The following CSGALNACT1 variants were observed in gnomAD, a reference collection of about 807,000 sequenced individuals.
The protein encoded by CSGALNACT1 is chondroitin sulfate N-acetylgalactosaminyltransferase 1.
A neutral mutation model predicts 51.0 loss-of-function variants in CSGALNACT1; 52 were observed. The observed-to-expected ratio is 1.02, with a 90% CI of 0.82 to 1.29. CSGALNACT1 has a LOEUF of 1.29. CSGALNACT1 is among the 50% of genes most tolerant of loss of function. The pLI is 0.00. For synonymous variants in CSGALNACT1, 341 were observed against 254.4 expected (o/e 1.34, Z -3.24); for missense variants, 935 against 679.2 (o/e 1.38, Z -4.19).
chr8:19,619,992 C>T (rs930632786), intron 1 of CSGALNACT1, among the ~76,000 whole-genome samples: 2 of 151,940 alleles, frequency 1.3e-5, no homozygotes, highest in Non-Finnish European at 2.9e-5. Context: ...GGGACCTACC[C>T]GAAGAGATTA....
chr8:19,691,299 T>G (rs1276234185), intron 1 of CSGALNACT1, among the ~76,000 whole-genome samples: 3 of 152,050 alleles, frequency 2.0e-5, no homozygotes, highest in Non-Finnish European at 4.4e-5. Context: ...ACAGGCCTCC[T>G]CCCAAACACC....
intron 3 of CSGALNACT1, among the ~76,000 whole-genome samples, chr8:19,548,781 T>A (rs1314314417): frequency 6.6e-6 from 1 of 152,190 alleles, no homozygotes; most frequent in African/African-American, 2.4e-5. Context: ...TTTTCTTTAG[T>A]ATTTATCTTC....
intron 1 of CSGALNACT1, among the ~76,000 whole-genome samples, chr8:19,727,249 G>A (rs974548978): frequency 2.6e-5 from 4 of 152,190 alleles, no homozygotes; most frequent in Admixed American, 6.5e-5. Context: ...GGAATTAGGA[G>A]TGACTTCTCC....
chr8:19,440,023 C>T, intron 5 of CSGALNACT1, 92 bp from the exon 5 acceptor site: 1 of 1,060,554 alleles, frequency 9.4e-7, no homozygotes, highest in South Asian at 1.3e-5. Context: ...GCAAAAGGGT[C>T]TTGAAGGAAA....
At chr8:19,507,526 C>CACA (rs1293553957) in intron 3 of CSGALNACT1, among the ~76,000 whole-genome samples, 1 of 51,342 alleles carries the variant, frequency 1.9e-5, no homozygotes, top group African/African-American at 1.5e-4. Flanking sequence ...CCATCTTAGC[C>CACA]AGAAAAAAAA....
intron 3 of CSGALNACT1, among the ~76,000 whole-genome samples, chr8:19,578,485 T>C (rs1287966950): frequency 2.0e-5 from 3 of 151,932 alleles, no homozygotes; most frequent in South Asian, 2.1e-4. Flanking sequence ...AAGTGAAAAA[T>C]ATTAACTTTT....
chr8:19,549,101 G>A (rs900382687), intron 3 of CSGALNACT1, among the ~76,000 whole-genome samples: 7 of 151,062 alleles, frequency 4.6e-5, no homozygotes, highest in African/African-American at 1.7e-4. Context: ...ACACGCATAA[G>A]CCAGCAAGAC....
chr8:19,632,579 C>G (rs919330174), intron 1 of CSGALNACT1, among the ~76,000 whole-genome samples: 3 of 152,178 alleles, frequency 2.0e-5, no homozygotes, highest in African/African-American at 7.2e-5. Context: ...GTTCTTAACC[C>G]GCAGCTATCT....
chr8:19,562,975 C>A (rs1293011684), intron 3 of CSGALNACT1, among the ~76,000 whole-genome samples: 1 of 152,160 alleles, frequency 6.6e-6, no homozygotes, highest in African/African-American at 2.4e-5. Flanking sequence ...GATACATGCA[C>A]ATGTATGTTC....
intron 1 of CSGALNACT1, among the ~76,000 whole-genome samples, chr8:19,734,552 G>A (rs542492138): frequency 2.0e-5 from 3 of 152,284 alleles, no homozygotes; most frequent in African/African-American, 4.8e-5. Flanking sequence ...CCTGGTTCAT[G>A]AATTATTCTT....
chr8:19,620,303 AG>A (rs2053646990), intron 1 of CSGALNACT1, among the ~76,000 whole-genome samples: 1 of 104,428 alleles, frequency 9.6e-6, no homozygotes, highest in African/African-American at 4.0e-5. Context: ...CAACAGAGTG[AG>A]ACTCTGTCTC....
At chr8:19,466,522 T>C (rs984861126) in intron 4 of CSGALNACT1, among the ~76,000 whole-genome samples, 1 of 152,240 alleles carries the variant, frequency 6.6e-6, no homozygotes, top group African/African-American at 2.4e-5. Context: ...TTATTTTTTA[T>C]ACTATTTTGT....
intron 3 of CSGALNACT1, among the ~76,000 whole-genome samples, chr8:19,558,791 A>T (rs1335401898): frequency 2.6e-5 from 4 of 152,170 alleles, no homozygotes; most frequent in African/African-American, 9.6e-5. Flanking sequence ...TTTTAAATCC[A>T]GTTATTAAAA....
chr8:19,414,394 G>A (rs774092363), intron 8 of CSGALNACT1, among the ~76,000 whole-genome samples: 7 of 152,168 alleles, frequency 4.6e-5, no homozygotes, highest in Non-Finnish European at 7.3e-5. Flanking sequence ...AATGTGAAAC[G>A]TCTAAAGTTA....
At chr8:19,482,176 CAG>C (rs1205758153) in intron 4 of CSGALNACT1, among the ~76,000 whole-genome samples, 1 of 152,194 alleles carries the variant, frequency 6.6e-6, no homozygotes, top group East Asian at 1.9e-4. Flanking sequence ...CGCTGGGAAA[CAG>C]AATGTTCGGT....
intron 4 of CSGALNACT1, among the ~76,000 whole-genome samples, chr8:19,494,187 C>T (rs2075006040): frequency 1.3e-5 from 2 of 152,270 alleles, no homozygotes; most frequent in Non-Finnish European, 1.5e-5. Flanking sequence ...CTATTATGTT[C>T]CTCCTTGATG....
intron 4 of CSGALNACT1, among the ~76,000 whole-genome samples, chr8:19,461,187 A>G (rs1010734108): frequency 6.6e-6 from 1 of 152,222 alleles, no homozygotes; most frequent in African/African-American, 2.4e-5. Context: ...GGGAAAAGCC[A>G]TGGAAGAAAA....
At chr8:19,505,995 C>T (rs2077266201) in exon 4 of CSGALNACT1, 1 of 774,282 alleles carries the variant, frequency 1.3e-6, no homozygotes, top group Admixed American at 2.0e-5. Context: ...TTGGAGTTAA[C>T]CACCACACAG....
At chr8:19,732,307 T>C (rs747949078) in intron 1 of CSGALNACT1, 1 of 152,220 alleles carries the variant, frequency 6.6e-6, no homozygotes, top group Non-Finnish European at 1.5e-5. Flanking sequence ...TTCTTAACAG[T>C]ATTTCTACAA....
Sources: allele counts gnomAD v4.1 joint callset (sites outside exome capture counted in the v4.1 genomes callset), GRCh38; gene constraint gnomAD v4.1.1; transcripts MANE v1.5; gene names NCBI Gene and HGNC (gene_info 2026-07-23, HGNC 2026-07-21).